SGK1: variants seen among roughly 807,000 people sequenced by gnomAD.
SGK1 encodes serine/threonine-protein kinase Sgk1.
SGK1 carries 26 observed loss-of-function variants against 64.2 expected under a neutral mutation model. The observed-to-expected ratio is 0.40, with a 90% CI of 0.30 to 0.56. The LOEUF is 0.56. SGK1 is among the 20% of genes least tolerant of loss of function. SGK1 has a pLI of 0.38. For missense variants in SGK1, 519 were observed against 645.6 expected (o/e 0.80, Z 2.12); for synonymous variants, 265 against 239.7 (o/e 1.11, Z -0.98).
chr6:134,267,797 C>T (rs960581619), intron 1 of SGK1, among the ~76,000 whole-genome samples: 1 of 152,144 alleles, frequency 6.6e-6, no homozygotes, highest in Non-Finnish European at 1.5e-5. Context: ...TCCCTTTCTC[C>T]AGAAGCATCA....
At chr6:134,256,337 C>T (rs779153212) in intron 2 of SGK1, among the ~76,000 whole-genome samples, 27 of 152,014 alleles carry the variant, frequency 1.8e-4, no homozygotes, top group Non-Finnish European at 8.8e-5. Flanking sequence ...ACTTTGTCTT[C>T]TAGCACAATT....
intron 3 of SGK1, among the ~76,000 whole-genome samples, chr6:134,204,660 T>A (rs944252067): frequency 6.6e-6 from 1 of 151,822 alleles, no homozygotes; most frequent in African/African-American, 2.4e-5. Context: ...TTCAAGTGAT[T>A]CTCCCGCCTC....
At chr6:134,215,876 C>T (rs1775971424) in intron 2 of SGK1, among the ~76,000 whole-genome samples, 1 of 151,970 alleles carries the variant, frequency 6.6e-6, no homozygotes, top group Non-Finnish European at 1.5e-5. Context: ...ATTAGCCAGG[C>T]GTGGTGGTGC....
intron 3 of SGK1, among the ~76,000 whole-genome samples, chr6:134,177,240 C>A (rs147930844): frequency 0.28 from 15,071 of 53,384 alleles, 876 homozygotes; most frequent in East Asian, 0.33. Context: ...AAAAACAAAA[C>A]AAAAACAAAA....
At chr6:134,220,406 T>C (rs865974248) in intron 2 of SGK1, among the ~76,000 whole-genome samples, 16 of 152,326 alleles carry the variant, frequency 1.1e-4, no homozygotes, top group African/African-American at 3.4e-4. Context: ...TATATGTTAT[T>C]TACAGTACAT....
chr6:134,201,837 A>G (rs2114677285), intron 3 of SGK1, among the ~76,000 whole-genome samples: 1 of 152,310 alleles, frequency 6.6e-6, no homozygotes, highest in African/African-American at 2.4e-5. Flanking sequence ...GTTTGCACTT[A>G]TCAGAATTCA....
intron 1 of SGK1, among the ~76,000 whole-genome samples, chr6:134,273,260 A>C (rs1441518876): frequency 6.8e-6 from 1 of 147,168 alleles, no homozygotes; most frequent in East Asian, 2.4e-4. Context: ...GAAAAGATGG[A>C]GGGTACTTGG....
At chr6:134,308,485 T>C (rs1333516617) in intron 1 of SGK1, among the ~76,000 whole-genome samples, 1 of 152,172 alleles carries the variant, frequency 6.6e-6, no homozygotes, top group African/African-American at 2.4e-5. Flanking sequence ...AACTCAGAGA[T>C]AGCAAGATGT....
intron 2 of SGK1, among the ~76,000 whole-genome samples, chr6:134,214,454 G>A (rs1418201771): frequency 1.3e-5 from 2 of 152,128 alleles, no homozygotes; most frequent in Admixed American, 6.6e-5. Flanking sequence ...AGCTGGGTGT[G>A]GTGGCGCATG....
intron 2 of SGK1, among the ~76,000 whole-genome samples, chr6:134,235,715 G>T (rs1270256059): frequency 1.3e-5 from 2 of 151,830 alleles, no homozygotes; most frequent in African/African-American, 4.8e-5. Flanking sequence ...GGGACTACAG[G>T]CATGCACCAC....
chr6:134,300,247 G>C (rs1250435603), intron 1 of SGK1, among the ~76,000 whole-genome samples: 1 of 152,050 alleles, frequency 6.6e-6, no homozygotes, highest in African/African-American at 2.4e-5. Flanking sequence ...GGTGAAAGAT[G>C]GTGGTGGCAG....
At chr6:134,262,928 T>C (rs1776790216) in intron 1 of SGK1, among the ~76,000 whole-genome samples, 1 of 151,978 alleles carries the variant, frequency 6.6e-6, no homozygotes, top group African/African-American at 2.4e-5. Context: ...CTTTTGCCTC[T>C]TAAAGTGTTG....
At chr6:134,232,038 CAA>C (rs60207020) in intron 2 of SGK1, among the ~76,000 whole-genome samples, 27 of 102,468 alleles carry the variant, frequency 2.6e-4, no homozygotes, top group Admixed American at 7.6e-4. Context: ...GACTTCATCT[CAA>C]AAAAAAAAAA....
chr6:134,246,264 G>A (rs868251345), intron 2 of SGK1, among the ~76,000 whole-genome samples: 1 of 150,456 alleles, frequency 6.6e-6, no homozygotes, highest in African/African-American at 2.4e-5. Flanking sequence ...TTCTCCTGCC[G>A]CAGCCTCCCA....
chr6:134,309,541 C>T (rs1332916406), intron 1 of SGK1, among the ~76,000 whole-genome samples: 2 of 152,176 alleles, frequency 1.3e-5, no homozygotes, highest in South Asian at 4.1e-4. Flanking sequence ...CATTTCTGGG[C>T]CAGAAGGATT....
At chr6:134,314,488 T>C (rs1237914975) in intron 1 of SGK1, among the ~76,000 whole-genome samples, 1 of 152,214 alleles carries the variant, frequency 6.6e-6, no homozygotes, top group Non-Finnish European at 1.5e-5. Flanking sequence ...TGCTACTTTT[T>C]AGTTATGTGA....
At chr6:134,212,390 A>T (rs1178956624) in intron 2 of SGK1, among the ~76,000 whole-genome samples, 2 of 152,202 alleles carry the variant, frequency 1.3e-5, no homozygotes, top group East Asian at 3.9e-4. Flanking sequence ...TACAAAGAAC[A>T]GGTCTACTCT....
chr6:134,183,848 A>ACCC (rs1562243390), intron 3 of SGK1, among the ~76,000 whole-genome samples: 1 of 80,128 alleles, frequency 1.2e-5, no homozygotes, highest in Non-Finnish European at 2.5e-5. Flanking sequence ...ACCTGTCCCC[A>ACCC]CCCCACCCCC....
At chr6:134,262,366 G>T (rs1776779964) in intron 1 of SGK1, among the ~76,000 whole-genome samples, 1 of 152,042 alleles carries the variant, frequency 6.6e-6, no homozygotes, top group African/African-American at 2.4e-5. Context: ...TCATCTTGCT[G>T]AGTCTGTCTC....
Sources: allele counts gnomAD v4.1 joint callset (sites outside exome capture counted in the v4.1 genomes callset), GRCh38; gene constraint gnomAD v4.1.1; transcripts MANE v1.5; gene names NCBI Gene and HGNC (gene_info 2026-07-23, HGNC 2026-07-21).